The following FAM53A variants were observed in gnomAD, a reference collection of about 807,000 sequenced individuals.
FAM53A encodes family with sequence similarity 53 member A, also known as protein FAM53A.
Under a neutral mutation model 26.6 loss-of-function variants are expected in FAM53A, and 28 were observed. The observed-to-expected ratio is 1.05, with a 90% CI of 0.78 to 1.45. The LOEUF is 1.45. Among genes scored for constraint, FAM53A ranks in the 40% most tolerant of loss-of-function variants. The pLI is 0.00. For synonymous variants in FAM53A, 290 were observed against 253.1 expected (o/e 1.15, Z -1.38); for missense variants, 650 against 575.8 (o/e 1.13, Z -1.32).
chr4:1,594,687 CA>C, the FAM53A span, among the ~76,000 whole-genome samples: 4,773 of 152,102 alleles, frequency 0.031, 267 homozygotes, highest in African/African-American at 0.11. Flanking sequence ...TGCAAAAATG[CA>C]AAAGTTAGCC....
At chr4:1,590,965 T>TAC in the FAM53A span, among the ~76,000 whole-genome samples, 2 of 92,070 alleles carry the variant, frequency 2.2e-5, no homozygotes, top group Non-Finnish European at 3.9e-5. Context: ...CATATATATA[T>TAC]ATATATATAT....
At position 1,659,423 on chromosome 4, in the gene FAM53A, G is replaced by A. The variant is rs543576489; in HGVS notation, c.76-1955C>T. Among the ~76,000 whole-genome samples, 17 of 152,350 alleles carry A rather than the reference G, an allele frequency of 1.1e-4. No homozygotes were observed. The highest frequency in any genetic ancestry group is 4.1e-4 in the African/African-American group (17 of 41,586). On this transcript the variant is annotated intron_variant, in intron 2 of 4. Coordinates refer to ENST00000308132, the MANE Select transcript of FAM53A (RefSeq NM_001174070.3). This position sits in a 1 kb window ranked among gnomAD's most constrained non-coding sequence, Gnocchi z 5.2. ...GGGCCACATGAACAGCACCCAGCTC[G>A]ACGCTGCCACGGAAAAACGTCTAGC...
At chr4:1,672,380 G>A (rs1159856439) in intron 1 of FAM53A, among the ~76,000 whole-genome samples, 1 of 151,576 alleles carries the variant, frequency 6.6e-6, no homozygotes, top group African/African-American at 2.4e-5. Context: ...ACGAACCCAC[G>A]AACCCAGGAA....
chr4:1,633,537 T>C (rs917419780), intron 1 of FAM53A, among the ~76,000 whole-genome samples: 1 of 151,754 alleles, frequency 6.6e-6, no homozygotes, highest in African/African-American at 2.4e-5. Context: ...AAAACAACCA[T>C]AAAGCAGATT....
At chr4:1,596,969 C>T in the FAM53A span, among the ~76,000 whole-genome samples, 1 of 152,220 alleles carries the variant, frequency 6.6e-6, no homozygotes, top group Admixed American at 6.5e-5. Flanking sequence ...CTGGGCAGCT[C>T]CGCACCCTCC....
rs1394960234 is a variant in FAM53A, at chr4:1,640,296, G to T, written c.*997C>A. ...GGCACGTGGGTGACAAGGTTCATGG[G>T]CACAGATGCCCATGCGCAAGCCCCA... On this transcript the variant is annotated 3_prime_UTR_variant, in exon 5 of 5. Coordinates refer to ENST00000308132, the MANE Select transcript of FAM53A (RefSeq NM_001174070.3). 5.1e-6 allele frequency: 1 copy of T among 194,200 alleles called. No individual in the cohort carries two copies. The highest frequency in any genetic ancestry group is 1.9e-4 in the East Asian group (1 of 5,332). 12.0% of individuals were successfully genotyped at this position (194,200 alleles called of 1,614,324 possible).
intron 4 of FAM53A, chr4:1,644,442 C>A (rs901226865): frequency 1.4e-6 from 2 of 1,401,472 alleles, no homozygotes; most frequent in Non-Finnish European, 1.9e-6. Context: ...TACAGCTCAG[C>A]GCCCAACAGC....
At chr4:1,607,024 TTTTC>T in the FAM53A span, among the ~76,000 whole-genome samples, 1 of 152,198 alleles carries the variant, frequency 6.6e-6, no homozygotes, top group Non-Finnish European at 1.5e-5. Flanking sequence ...GGGTTTTTTG[TTTTC>T]TTTCTTTTGA....
Position 1,656,043 on chromosome 4 carries a change from G to A in FAM53A, c.137-320C>T, listed in dbSNP as rs374890070. Among the ~76,000 whole-genome samples, 39 of 152,250 alleles carry A rather than the reference G, an allele frequency of 2.6e-4. No homozygotes were observed. In the South Asian group the frequency reaches 4.6e-3, roughly 18 times the overall value. On this transcript the variant is annotated intron_variant, in intron 3 of 4. Coordinates refer to ENST00000308132, the MANE Select transcript of FAM53A (RefSeq NM_001174070.3). ...ACAGCTTTGCTAAAACATTCTTCCCGCATCCTCAAAATGCCCCTCTCCCTC... is the reference window on the plus strand; with the variant it reads ...ACAGCTTTGCTAAAACATTCTTCCCACATCCTCAAAATGCCCCTCTCCCTC...
At chr4:1,618,987 G>A (rs574993406) in intron 1 of FAM53A, among the ~76,000 whole-genome samples, 10 of 152,322 alleles carry the variant, frequency 6.6e-5, no homozygotes, top group African/African-American at 1.9e-4. Flanking sequence ...GCTGCTCCAC[G>A]CTGCCAACAA....
rs1577080257 is a variant in FAM53A, at chr4:1,620,169, T to C, written c.432-2058A>G. Among the ~76,000 whole-genome samples the C allele has an allele frequency of 2.0e-5, 3 of 149,550 alleles. No individual in the cohort carries two copies. In the South Asian group the frequency reaches 6.4e-4, roughly 32 times the overall value. ...TTGCAGTGAGCTGAGATCGTGCCAC[T>C]GCACTCCAGGCTGGGTGACAGAGTG... On this transcript the variant is annotated intron_variant, in intron 1 of 1. Transcript: ENST00000489029.
chr4:1,574,794 C>G, the FAM53A span, among the ~76,000 whole-genome samples: 1 of 152,342 alleles, frequency 6.6e-6, no homozygotes, highest in South Asian at 2.1e-4. Context: ...CAGCGGGCGG[C>G]AGGCTCAGCT....
downstream of FAM53A, among the ~76,000 whole-genome samples, chr4:1,617,442 G>T (rs1714850801): frequency 1.3e-5 from 2 of 152,162 alleles, no homozygotes; most frequent in South Asian, 2.1e-4. Context: ...TCCCTCCCTG[G>T]TGTCCATTTA....
At chr4:1,654,872 C>A in intron 4 of FAM53A, 106 bp downstream of exon 4, 1 of 1,407,192 alleles carries the variant, frequency 7.1e-7, no homozygotes, top group Non-Finnish European at 9.4e-7. Flanking sequence ...CAGAGAAGAC[C>A]AGCCGGATGC....
At chr4:1,624,417 C>G (rs73795184) in intron 1 of FAM53A, among the ~76,000 whole-genome samples, 19,886 of 152,212 alleles carry the variant, frequency 0.13, 1,589 homozygotes, top group African/African-American at 0.23. Context: ...AGCGCCGTGA[C>G]CCCCCGAACC....
chr4:1,622,441 C>T (rs555780802), intron 1 of FAM53A, among the ~76,000 whole-genome samples: 86 of 152,366 alleles, frequency 5.6e-4, no homozygotes, highest in Middle Eastern at 3.4e-3. Context: ...CCTGGCCCCA[C>T]GGCCCCTCCC....
intron 4 of FAM53A, chr4:1,644,476 G>A (rs1431322528): frequency 1.7e-6 from 2 of 1,156,598 alleles, no homozygotes; most frequent in Non-Finnish European, 2.4e-6. Flanking sequence ...ACACGGAACT[G>A]AAGGGGCCAC....
intron 1 of FAM53A, among the ~76,000 whole-genome samples, chr4:1,679,319 G>A (rs1271980126): frequency 6.8e-6 from 1 of 147,716 alleles, no homozygotes; most frequent in Admixed American, 6.8e-5. Context: ...CCCAGGAGCT[G>A]AGGTTGCAGT....
intron 1 of FAM53A, among the ~76,000 whole-genome samples, chr4:1,619,177 G>C (rs1714922389): frequency 6.6e-6 from 1 of 152,232 alleles, no homozygotes; most frequent in Admixed American, 6.5e-5. Flanking sequence ...TCTAAGTGAA[G>C]CAGGTTACTA....
Sources: gnomAD v4.1 joint callset for allele counts (sites outside exome capture counted in the v4.1 genomes callset) on GRCh38, gnomAD v4.1.1 for gene constraint, Gnocchi (gnomAD v3.1) non-coding constraint, MANE v1.5 for transcripts, NCBI Gene and HGNC (gene_info 2026-07-23, HGNC 2026-07-21) for gene names.